DDT: variants seen among roughly 807,000 people sequenced by gnomAD.
The protein encoded by DDT is D-dopachrome tautomerase.
A neutral mutation model predicts 2.5 loss-of-function variants in DDT; 4 were observed. The observed-to-expected ratio is 1.59, with a 90% CI of 0.78 to 3.63. The LOEUF (loss-of-function observed/expected upper bound fraction) is 3.63. DDT is among the 30% of genes most tolerant of loss of function. The probability of loss-of-function intolerance (pLI) is 0.01; values close to 1 mark genes in which losing one functional copy is unlikely to be tolerated. For missense variants in DDT, 32 were observed against 30.0 expected (o/e 1.07, Z -0.15); for synonymous variants, 11 against 10.0 (o/e 1.10, Z -0.19).
chr22:23,972,295 A>AT, intron 2 of DDT: 1 of 860,802 alleles, frequency 1.2e-6, no homozygotes, highest in Non-Finnish European at 1.4e-6. Flanking sequence ...GTAAGTGTAT[A>AT]ACACTTGTTG....
intron 2 of DDT, chr22:23,971,884 C>A: frequency 4.3e-6 from 2 of 460,412 alleles, no homozygotes; most frequent in Non-Finnish European, 7.7e-6. Flanking sequence ...GTGTGCCGTA[C>A]ACTCTATCAT....
chr22:23,972,058 C>G (rs946610488), intron 2 of DDT: 1 of 555,104 alleles, frequency 1.8e-6, no homozygotes, highest in Non-Finnish European at 2.3e-6. Context: ...ATGCCCCTCT[C>G]AGAGGTAACA....
intron 2 of DDT, 98 bp from the exon 3 acceptor site, chr22:23,971,721 G>C (rs762450828): frequency 9.2e-7 from 1 of 1,087,650 alleles, no homozygotes; most frequent in Non-Finnish European, 1.3e-6. Context: ...ACTCAGGACA[G>C]CCTGCCTCAG....
chr22:23,974,871 G>GT (rs1569030999), upstream of DDT, among the ~76,000 whole-genome samples: 2 of 64,756 alleles, frequency 3.1e-5, no homozygotes, highest in Non-Finnish European at 7.1e-5. Context: ...GGAGCTTAAA[G>GT]TTTTTTTGAA....
chr22:23,972,053 CCT>C, intron 2 of DDT: 2 of 503,470 alleles, frequency 4.0e-6, no homozygotes, highest in Non-Finnish European at 5.1e-6. Context: ...TGAACATGCC[CCT>C]CTCAGAGGTA....
chr22:23,972,505 GTTGTA>G (rs1411393427), intron 2 of DDT: 4 of 170,770 alleles, frequency 2.3e-5, no homozygotes, highest in African/African-American at 4.8e-5. Flanking sequence ...TATGTAAATA[GTTGTA>G]TTGTTTAGGG....
rs749638982 is a variant in DDT, at chr22:23,971,384, C to T, written c.*167G>A. ...AAGAAGTCATGTTTGAATGAGGAAGCTCTCTTCATTTATTTCATATGAGGA... is the reference window on the plus strand; with the variant it reads ...AAGAAGTCATGTTTGAATGAGGAAGTTCTCTTCATTTATTTCATATGAGGA... On this transcript the variant is annotated 3_prime_UTR_variant, in exon 3 of 3. Transcript: ENST00000398344. The T allele has an allele frequency of 2.5e-6, 4 of 1,613,868 alleles. No individual in the cohort carries two copies. Among genetic ancestry groups the T allele is most frequent in the Non-Finnish European group, 2.5e-6 (3 of 1,179,874 alleles).
intron 2 of DDT, chr22:23,971,846 C>G (rs1361710939): frequency 3.5e-6 from 2 of 570,928 alleles, no homozygotes; most frequent in Non-Finnish European, 6.2e-6. Flanking sequence ...CCAGCTAGGA[C>G]AGACACACAA....
In DDT at chr22:23,971,487, T is replaced by A. The variant is rs993183169; in HGVS notation, c.*64A>T. 1.2e-5 allele frequency: 20 copies of A among 1,608,740 alleles called. No homozygotes were observed. Among genetic ancestry groups the A allele is most frequent in the Non-Finnish European group, 1.3e-5 (15 of 1,176,490 alleles). On this transcript the variant is annotated 3_prime_UTR_variant, in exon 3 of 3. Transcript: ENST00000398344. ...GCTGGTTATCTCCAGGCCCTCACTC[T>A]GCCAAGAGATCTCTCTGGAAGAAGC...
Position 23,971,419 on chromosome 22 carries a change from G to C in DDT, c.*132C>G. ...TTATTTCATATGAGGATGAAGAAGA[G>C]GATTATGTGATCACAGGAATGTTGC... On this transcript the variant is annotated 3_prime_UTR_variant, in exon 3 of 3. Coordinates refer to ENST00000398344, the MANE Select transcript of DDT (RefSeq NM_001084392.3). 6.2e-7 allele frequency: 1 copy of C among 1,612,236 alleles called. No homozygotes were observed. The highest frequency in any genetic ancestry group is 1.1e-5 in the South Asian group (1 of 90,882).
In DDT at chr22:23,971,542, C is replaced by T. The variant is rs770631714; in HGVS notation, c.*9G>A. 13 of 1,613,968 alleles carry T rather than the reference C, an allele frequency of 8.1e-6. No individual in the cohort carries two copies. The highest frequency in any genetic ancestry group is 1.6e-4 in the Middle Eastern group (1 of 6,062). ...AGTTCACAGATGCCCTGGATCCCTC[C>T]GTGCCCAATCATAAAAAAGTCATGA... On this transcript the variant is annotated 3_prime_UTR_variant, in exon 3 of 3. Transcript: ENST00000398344.
upstream of DDT, among the ~76,000 whole-genome samples, chr22:23,975,126 A>ACGCCTGTAATC (rs1223769807): frequency 3.3e-3 from 506 of 151,138 alleles, 12 homozygotes; most frequent in Non-Finnish European, 5.5e-3. Context: ...ACGGTAGCTC[A>ACGCCTGTAATC]CGCCTGTAAT....
chr22:23,971,945 C>T (rs987401633), intron 2 of DDT: 4 of 253,256 alleles, frequency 1.6e-5, no homozygotes, highest in Non-Finnish European at 2.9e-5. Context: ...TTGCAGGCTC[C>T]CTAAGGGCAC....
chr22:23,972,175 C>T, intron 2 of DDT: 3 of 962,052 alleles, frequency 3.1e-6, no homozygotes, highest in Non-Finnish European at 3.7e-6. Context: ...TGGAGATTAT[C>T]TACCTCATGG....
In DDT at chr22:23,972,577, T is replaced by A. The variant is rs1039542877; in HGVS notation, c.285-954A>T. The A allele has an allele frequency of 2.8e-6, 3 of 1,053,176 alleles. No homozygotes were observed. The African/African-American group carries it at 5.1e-5, about 18-fold the overall frequency. The allele number at this position is 1,053,176 out of a possible 1,614,324, so 65.2% of individuals were successfully genotyped here. A position where few individuals can be genotyped will look rare whatever the true frequency, so the allele number is the denominator to read the frequency against. On this transcript the variant is annotated intron_variant, in intron 2 of 2. Coordinates refer to ENST00000398344, the MANE Select transcript of DDT (RefSeq NM_001084392.3). ...TTTCAGTATAGATGCAATTATCAAT[T>A]TTTTTTCCTCTAATATTTCAATCCA...
At chr22:23,972,124 G>A (rs2033918502) in intron 2 of DDT, 1 of 973,104 alleles carries the variant, frequency 1.0e-6, no homozygotes, top group Non-Finnish European at 1.2e-6. Flanking sequence ...GGGCGGGCGG[G>A]AGTATGAACA....
In DDT at chr22:23,971,503, T is replaced by C. The variant is rs779489609; in HGVS notation, c.*48A>G. On this transcript the variant is annotated 3_prime_UTR_variant, in exon 3 of 3. Coordinates refer to ENST00000398344, the MANE Select transcript of DDT (RefSeq NM_001084392.3). The stretch of plus-strand genomic sequence containing the variant: ...CCCTCACTCTGCCAAGAGATCTCTC[T>C]GGAAGAAGCAGCCAGTTCACAGATG... 7.4e-6 allele frequency: 12 copies of C among 1,611,190 alleles called. No homozygotes were observed. Among genetic ancestry groups the C allele is most frequent in the Admixed American group, 5.0e-5 (3 of 59,766 alleles).
chr22:23,972,074 T>C (rs2033917283), intron 2 of DDT: 1 of 719,356 alleles, frequency 1.4e-6, no homozygotes, highest in South Asian at 6.3e-5. Context: ...TAACAGCAAG[T>C]TTCCAGTGAG....
Position 23,971,500 on chromosome 22 carries a change from C to T in DDT, c.*51G>A. The T allele has an allele frequency of 6.2e-7, 1 of 1,610,940 alleles. No homozygotes were observed. ...AGGCCCTCACTCTGCCAAGAGATCT[C>T]TCTGGAAGAAGCAGCCAGTTCACAG... On this transcript the variant is annotated 3_prime_UTR_variant, in exon 3 of 3. Coordinates refer to ENST00000398344, the MANE Select transcript of DDT (RefSeq NM_001084392.3).
Sources: allele counts gnomAD v4.1 joint callset (sites outside exome capture counted in the v4.1 genomes callset), GRCh38; gene constraint gnomAD v4.1.1; transcripts MANE v1.5; gene names NCBI Gene and HGNC (gene_info 2026-07-23, HGNC 2026-07-21).